Variants in IL36RN observed in about 807,000 individuals in gnomAD.
IL36RN encodes interleukin 36 receptor antagonist.
A neutral mutation model predicts 13.0 loss-of-function variants in IL36RN; 11 were observed. The ratio of observed to expected loss-of-function variants is 0.85; its 90% CI spans 0.53 to 1.40. IL36RN has a LOEUF of 1.40. Ranked by LOEUF, IL36RN falls within the 40% of genes most tolerant of loss-of-function variation. The probability of loss-of-function intolerance (pLI) is 0.00; values close to 1 mark genes in which losing one functional copy is unlikely to be tolerated. For synonymous variants in IL36RN, 94 were observed against 84.1 expected (o/e 1.12, Z -0.64); for missense variants, 195 against 195.3 (o/e 1.00, Z 0.01).
chr2:113,061,070 A>G, intron 3 of IL36RN, 133 bp downstream of exon 3: 1 of 736,874 alleles, frequency 1.4e-6, no homozygotes, highest in African/African-American at 1.7e-5. Flanking sequence ...AGCACAAACC[A>G]GGCTCTAAGC....
chr2:113,062,918 G>A lies in IL36RN; in HGVS notation c.*241G>A, dbSNP rs1685672532. On this transcript the variant is annotated 3_prime_UTR_variant, in exon 5 of 5. Transcript: ENST00000393200. ...GTGGAATCTTGTAAAAACCATGTGG[G>A]GTAAACTGGGAATAACATGAAAAGA... The A allele has an allele frequency of 3.6e-6, 2 of 552,082 alleles. No homozygotes were observed. The highest frequency in any genetic ancestry group is 6.4e-5 in the East Asian group (2 of 31,144). The allele number at this position is 552,082 out of a possible 1,614,324, so 34.2% of individuals were successfully genotyped here.
chr2:113,059,133 G>A, upstream of IL36RN: 1 of 473,716 alleles, frequency 2.1e-6, no homozygotes, highest in Non-Finnish European at 3.9e-6. Context: ...TCCTCCTCAG[G>A]TCCTGGCAGT....
rs906488008 is a variant in IL36RN, at chr2:113,062,218, T to C, written c.210T>C (p.Cys70=). The C allele has an allele frequency of 1.9e-6, 3 of 1,613,894 alleles. No individual in the cohort carries two copies. Among genetic ancestry groups the C allele is most frequent in the Admixed American group, 3.3e-5 (2 of 60,002 alleles). Residue 70 remains cysteine (C), a synonymous_variant, in exon 4 of 5, where the codon TGT becomes TGC. Transcript: ENST00000393200. Reference sequence around the variant, plus strand: ...AGGGTGGAAGCCAGTGCCTGTCATGTGGGGTGGGGCAGGAGCCGACTCTAA... The same window carrying C: ...AGGGTGGAAGCCAGTGCCTGTCATGCGGGGTGGGGCAGGAGCCGACTCTAA... The part of the protein sequence containing the change: ...GVQGGSQCLS[C]GVGQEPTLTL...
Position 113,062,276 on chromosome 2 carries a change from G to C in IL36RN, c.243+25G>C, listed in dbSNP as rs553382111. ...GGTGAGACTTGGGGCATCCTCACTG[G>C]GGACTCAGCCACAGATGCTGAGCCT... On this transcript the variant is annotated intron_variant, in intron 4 of 4. Coordinates refer to ENST00000393200, the MANE Select transcript of IL36RN (RefSeq NM_012275.3). 2.4e-4 allele frequency: 393 copies of C among 1,613,574 alleles called. 5 individuals carry two copies. In the South Asian group the frequency reaches 3.9e-3, roughly 16 times the overall value.
rs549754573 is a variant in IL36RN at position 113,064,318 on chromosome 2, C to G, written c.*1641C>G. ...CCAAGGATAATTGGTTACAGCAGCT[C>G]TAGGAAACTAATACAGCTGCTAAAA... On this transcript the variant is annotated 3_prime_UTR_variant, in exon 5 of 5. Coordinates refer to ENST00000393200, the MANE Select transcript of IL36RN (RefSeq NM_012275.3). 2 of 152,188 alleles carry G rather than the reference C, an allele frequency of 1.3e-5. No homozygotes were observed. The highest frequency in any genetic ancestry group is 3.8e-4 in the East Asian group (2 of 5,198). The allele number at this position is 152,188 out of a possible 1,614,324, so 9.4% of individuals were successfully genotyped here. A position where few individuals can be genotyped will look rare whatever the true frequency, so the allele number is the denominator to read the frequency against.
chr2:113,063,105 G>C lies in IL36RN; in HGVS notation c.*428G>C, dbSNP rs1280989215. On this transcript the variant is annotated 3_prime_UTR_variant, in exon 5 of 5. Transcript: ENST00000393200. The stretch of plus-strand genomic sequence containing the variant: ...CTGTCACTCACCACTATGCAGGAGA[G>C]GGAGGTGGTCATAGAGTCAGGGATC... The C allele has an allele frequency of 6.6e-6, 2 of 304,302 alleles. No homozygotes were observed. The highest frequency in any genetic ancestry group is 1.3e-5 in the Non-Finnish European group (2 of 156,524). 18.9% of individuals were successfully genotyped at this position (304,302 alleles called of 1,614,324 possible). A position where few individuals can be genotyped will look rare whatever the true frequency, so the allele number is the denominator to read the frequency against.
At chr2:113,061,422 C>T (rs1167980527) in intron 3 of IL36RN, among the ~76,000 whole-genome samples, 1 of 152,112 alleles carries the variant, frequency 6.6e-6, no homozygotes, top group Non-Finnish European at 1.5e-5. Flanking sequence ...GCCCCATGCA[C>T]TGCAACACGT....
In IL36RN at chr2:113,062,437, C is replaced by T. The variant is rs1448511736; in HGVS notation, c.244-16C>T. On this transcript the variant is annotated splice_polypyrimidine_tract_variant and intron_variant, in intron 4 of 4. Transcript: ENST00000393200. Reference sequence around the variant, plus strand: ...CTGCTTCTGCCCTCACCTGACCTCCCCTCCTCTGCCGGCAGCCAGTGAACA... The same window carrying T: ...CTGCTTCTGCCCTCACCTGACCTCCTCTCCTCTGCCGGCAGCCAGTGAACA... The T allele has an allele frequency of 4.3e-6, 7 of 1,613,834 alleles. No individual in the cohort carries two copies. The highest frequency in any genetic ancestry group is 3.3e-5 in the South Asian group (3 of 91,034).
chr2:113,059,287 A>G (rs1036079033), intron 1 of IL36RN, 46 bp downstream of exon 1: 11 of 796,124 alleles, frequency 1.4e-5, no homozygotes, highest in Non-Finnish European at 2.2e-6. Flanking sequence ...TCCTGACCCC[A>G]GACCCAGAAT....
chr2:113,061,440 T>C (rs1558843146), intron 3 of IL36RN, among the ~76,000 whole-genome samples: 3 of 152,226 alleles, frequency 2.0e-5, no homozygotes, highest in Non-Finnish European at 4.4e-5. Context: ...CGTCCCTCTC[T>C]AAAATAGTTT....
At chr2:113,061,948 T>C (rs1468341967) in intron 3 of IL36RN, among the ~76,000 whole-genome samples, 176 bp from the exon 4 acceptor site, 3 of 152,102 alleles carry the variant, frequency 2.0e-5, no homozygotes, top group Admixed American at 6.5e-5. Context: ...CATGCCTTGA[T>C]GTCCACTCTG....
Position 113,064,592 on chromosome 2 carries a change from G to A in IL36RN, c.*1915G>A, listed in dbSNP as rs887575232. The A allele has an allele frequency of 6.6e-6, 1 of 152,160 alleles. No homozygotes were observed. Among genetic ancestry groups the A allele is most frequent in the African/African-American group, 2.4e-5 (1 of 41,418 alleles). 9.4% of individuals were successfully genotyped at this position (152,160 alleles called of 1,614,324 possible). ...TGAGCAGGCCTATAAAGAGACTTAC[G>A]TGGTAAAAAATGAAGTCTCCTGCCC... On this transcript the variant is annotated 3_prime_UTR_variant, in exon 5 of 5. Transcript: ENST00000393200.
intron 3 of IL36RN, among the ~76,000 whole-genome samples, 183 bp downstream of exon 3, chr2:113,061,120 A>T (rs1172959778): frequency 6.6e-6 from 1 of 152,184 alleles, no homozygotes; most frequent in Non-Finnish European, 1.5e-5. Context: ...CAAAGTGAAG[A>T]CACAGGCTCT....
Position 113,063,624 on chromosome 2 carries a change from A to G in IL36RN, c.*947A>G, listed in dbSNP as rs1004388903. ...AAATTAATCTTGAGGTAAGCAGAGT[A>G]GACATCATCTCTGATTGTCCTCAGC... On this transcript the variant is annotated 3_prime_UTR_variant, in exon 5 of 5. Coordinates refer to ENST00000393200, the MANE Select transcript of IL36RN (RefSeq NM_012275.3). The G allele has an allele frequency of 6.6e-6, 1 of 152,218 alleles. No homozygotes were observed. The highest frequency in any genetic ancestry group is 2.4e-5 in the African/African-American group (1 of 41,460). 9.4% of individuals were successfully genotyped at this position (152,218 alleles called of 1,614,324 possible). A position where few individuals can be genotyped will look rare whatever the true frequency, so the allele number is the denominator to read the frequency against.
At chr2:113,059,045 T>C, upstream of IL36RN, 1 of 274,368 alleles carries the variant, frequency 3.6e-6, no homozygotes, top group Non-Finnish European at 7.1e-6. Context: ...TCCAGAAGCT[T>C]CCCTCCCCAC....
chr2:113,060,844 T>C lies in IL36RN; in HGVS notation c.30-8T>C. 6.2e-7 allele frequency: 1 copy of C among 1,610,454 alleles called. No individual in the cohort carries two copies. The highest frequency in any genetic ancestry group is 8.5e-7 in the Non-Finnish European group (1 of 1,176,768). Reference sequence around the variant, plus strand: ...TAATGTAGTCCTCACCCCTTCCTGATGTTTCAGAATGAAGGACTCGGCATT... The same window carrying C: ...TAATGTAGTCCTCACCCCTTCCTGACGTTTCAGAATGAAGGACTCGGCATT... On this transcript the variant is annotated splice_region_variant and splice_polypyrimidine_tract_variant and intron_variant, in intron 2 of 4. Coordinates refer to ENST00000393200, the MANE Select transcript of IL36RN (RefSeq NM_012275.3).
chr2:113,059,664 A>G (rs925692865), intron 2 of IL36RN, among the ~76,000 whole-genome samples, 197 bp downstream of exon 2: 2 of 152,100 alleles, frequency 1.3e-5, no homozygotes, highest in African/African-American at 4.8e-5. Context: ...AGGCCATCTC[A>G]CAAGGGGTCC....
intron 2 of IL36RN, among the ~76,000 whole-genome samples, chr2:113,059,722 A>G (rs1471373917): frequency 6.6e-6 from 1 of 152,168 alleles, no homozygotes; most frequent in African/African-American, 2.4e-5. Flanking sequence ...AGCTCCAGCC[A>G]AGTCTATCCA....
rs1685687917 is a variant in IL36RN, at chr2:113,063,579, T to C, written c.*902T>C. ...TTTTTCTACAATGAAGATGAATTCC[T>C]TGTATAAAAATAAGAAAAGAAATTA... On this transcript the variant is annotated 3_prime_UTR_variant, in exon 5 of 5. Coordinates refer to ENST00000393200, the MANE Select transcript of IL36RN (RefSeq NM_012275.3). 6.6e-6 allele frequency: 1 copy of C among 152,238 alleles called. No homozygotes were observed. The highest frequency in any genetic ancestry group is 1.5e-5 in the Non-Finnish European group (1 of 68,040). The allele number at this position is 152,238 out of a possible 1,614,324, so 9.4% of individuals were successfully genotyped here. A position where few individuals can be genotyped will look rare whatever the true frequency, so the allele number is the denominator to read the frequency against.
Sources: gnomAD v4.1 joint callset for allele counts (sites outside exome capture counted in the v4.1 genomes callset) on GRCh38, gnomAD v4.1.1 for gene constraint, MANE v1.5 for transcripts, NCBI Gene and HGNC (gene_info 2026-07-23, HGNC 2026-07-21) for gene names.